Variants in EVL observed in about 807,000 individuals in gnomAD.
EVL encodes the protein Enah/Vasp-like, also known as ena/VASP-like protein.
Under a neutral mutation model 59.6 loss-of-function variants are expected in EVL, and 21 were observed. That is an observed-to-expected ratio of 0.35 (90% confidence interval 0.25 to 0.51). EVL has a LOEUF of 0.51. Ranked by LOEUF, EVL falls within the 20% of genes least tolerant of loss-of-function variation. The pLI, the probability that EVL is intolerant of heterozygous loss-of-function variation, is 0.97. For missense variants in EVL, 462 were observed against 546.6 expected (o/e 0.85, Z 1.54); for synonymous variants, 198 against 203.5 (o/e 0.97, Z 0.23).
intron 3 of EVL, chr14:100,106,688 A>T: frequency 2.5e-6 from 1 of 397,600 alleles, no homozygotes; most frequent in Non-Finnish European, 4.4e-6. Context: ...CATTATAATA[A>T]AAAGAGGACC....
intron 1 of EVL, among the ~76,000 whole-genome samples, chr14:99,998,371 C>T (rs913636119): frequency 2.6e-5 from 4 of 152,082 alleles, no homozygotes; most frequent in Non-Finnish European, 5.9e-5. Flanking sequence ...ATCTGACTCT[C>T]CTCAGCTTGT....
intron 1 of EVL, chr14:99,977,200 TTAAGAA>T (rs1157595307): frequency 2.0e-5 from 3 of 152,176 alleles, no homozygotes; most frequent in East Asian, 3.8e-4. Context: ...CAAGATAACT[TTAAGAA>T]TAAGTCTTTA....
chr14:99,997,859 A>G (rs2060923660), intron 1 of EVL, among the ~76,000 whole-genome samples: 1 of 152,096 alleles, frequency 6.6e-6, no homozygotes, highest in African/African-American at 2.4e-5. Context: ...AATACTCTAT[A>G]CAGTTCCCTT....
At chr14:100,131,945 G>T (rs1185180374) in intron 7 of EVL, among the ~76,000 whole-genome samples, 1 of 152,136 alleles carries the variant, frequency 6.6e-6, no homozygotes, top group Non-Finnish European at 1.5e-5. Context: ...TCACAGACAG[G>T]TGACAGCCTG....
chr14:100,118,813 A>G (rs1478140166), intron 3 of EVL, among the ~76,000 whole-genome samples: 1 of 152,190 alleles, frequency 6.6e-6, no homozygotes, highest in African/African-American at 2.4e-5. Flanking sequence ...TCCTAAGAGT[A>G]AAAGGGCTCC....
intron 1 of EVL, among the ~76,000 whole-genome samples, chr14:100,011,365 G>A (rs918370626): frequency 1.3e-5 from 2 of 152,100 alleles, no homozygotes; most frequent in Non-Finnish European, 2.9e-5. Context: ...GAAAATTGAT[G>A]TTACAAATGA....
At chr14:100,062,774 C>T (rs1003460003), upstream of EVL, among the ~76,000 whole-genome samples, 34 of 152,120 alleles carry the variant, frequency 2.2e-4, no homozygotes, top group Non-Finnish European at 3.1e-4. Flanking sequence ...ATCACCCCGC[C>T]GTAATCCCTA....
intron 9 of EVL, among the ~76,000 whole-genome samples, chr14:100,136,767 G>C (rs1888820228): frequency 1.3e-5 from 2 of 152,166 alleles, no homozygotes; most frequent in African/African-American, 4.8e-5. Flanking sequence ...ATAGGTTCCT[G>C]GCTGATGAAC....
intron 1 of EVL, among the ~76,000 whole-genome samples, chr14:99,997,469 A>G (rs1249775678): frequency 2.0e-5 from 3 of 152,270 alleles, no homozygotes; most frequent in African/African-American, 7.2e-5. Context: ...CATGCAGTAT[A>G]TGCTTAGTGT....
chr14:100,137,680 G>T (rs773507524), intron 10 of EVL, 36 bp downstream of exon 10: 1 of 1,614,124 alleles, frequency 6.2e-7, no homozygotes, highest in Admixed American at 1.7e-5. Context: ...CAGCGAGGCT[G>T]GTGGGGCAGA....
intron 1 of EVL, among the ~76,000 whole-genome samples, chr14:100,042,422 G>C (rs1201890075): frequency 6.6e-6 from 1 of 152,202 alleles, no homozygotes; most frequent in South Asian, 2.1e-4. Context: ...TCTTTGCTCT[G>C]TATTAGATTT....
At chr14:100,138,000 G>A in intron 11 of EVL, 198 bp downstream of exon 11, 2 of 614,402 alleles carry the variant, frequency 3.3e-6, no homozygotes, top group Non-Finnish European at 5.7e-6. Context: ...CTGAGAGAGA[G>A]ACCAAGGGCA....
exon 1 of EVL, chr14:99,971,853 C>A (rs1283199594): frequency 3.4e-5 from 5 of 147,438 alleles, no homozygotes; most frequent in African/African-American, 9.8e-5. Context: ...TCGCCGCCGC[C>A]GCGGCCCTTC....
chr14:100,120,345 G>A (rs766266607), intron 3 of EVL, among the ~76,000 whole-genome samples: 9 of 152,192 alleles, frequency 5.9e-5, no homozygotes, highest in Admixed American at 1.3e-4. Context: ...TGTCTGATGC[G>A]AGCCAGGCTA....
intron 1 of EVL, among the ~76,000 whole-genome samples, chr14:99,973,782 G>C (rs571476355): frequency 1.3e-5 from 2 of 152,274 alleles, no homozygotes; most frequent in African/African-American, 4.8e-5. Flanking sequence ...ATATTAGAAA[G>C]CTTACATGTG....
chr14:100,100,784 C>CA (rs60820079), intron 3 of EVL, among the ~76,000 whole-genome samples: 1,892 of 46,730 alleles, frequency 0.04, 49 homozygotes, highest in South Asian at 0.051. Context: ...GAGTCTGTCT[C>CA]AAAAAAAAAA....
chr14:100,019,720 C>G, intron 1 of EVL: 18 of 1,529,464 alleles, frequency 1.2e-5, no homozygotes, highest in Non-Finnish European at 1.6e-5. Context: ...CAGTCTGCTG[C>G]TGGCTTTTTG....
rs1223707672 is a variant in EVL, at chr14:100,114,757, C to T, written c.359-8782C>T. Among the ~76,000 whole-genome samples, 1 of 152,194 alleles carries T rather than the reference C, an allele frequency of 6.6e-6. No individual in the cohort carries two copies. The highest frequency in any genetic ancestry group is 2.4e-5 in the African/African-American group (1 of 41,450). On this transcript the variant is annotated intron_variant, in intron 3 of 13. Transcript: ENST00000392920. The surrounding 1 kb of genome is among the most constrained non-coding windows in gnomAD (Gnocchi z 5.0). ...TGGGAGCCCCTCTCTCTCCTCCCTGCTCCTCATGGGCCTCTCCTTTCACTC... is the reference window on the plus strand; with the variant it reads ...TGGGAGCCCCTCTCTCTCCTCCCTGTTCCTCATGGGCCTCTCCTTTCACTC...
chr14:99,983,565 C>T (rs542570575), intron 1 of EVL, among the ~76,000 whole-genome samples: 10 of 152,318 alleles, frequency 6.6e-5, no homozygotes, highest in Admixed American at 5.9e-4. Context: ...TTGTCCTGGG[C>T]CTCTTCTTTA....
Sources: allele counts gnomAD v4.1 joint callset (sites outside exome capture counted in the v4.1 genomes callset), GRCh38; gene constraint gnomAD v4.1.1; non-coding constraint Gnocchi (gnomAD v3.1); transcripts MANE v1.5; gene names NCBI Gene and HGNC (gene_info 2026-07-23, HGNC 2026-07-21).